SUCLG2: variants seen among roughly 807,000 people sequenced by gnomAD.
SUCLG2 encodes succinate-CoA ligase GDP-forming subunit beta.
SUCLG2 carries 42 observed loss-of-function variants against 47.9 expected under a neutral mutation model. That is an observed-to-expected ratio of 0.88 (90% CI 0.69 to 1.14). The LOEUF (loss-of-function observed/expected upper bound fraction) is 1.14, where lower values mean the gene tolerates loss of function less well. SUCLG2 is among the 50% of genes most tolerant of loss of function. SUCLG2 has a pLI of 0.00. For missense variants in SUCLG2, 571 were observed against 525.9 expected (o/e 1.09, Z -0.84); for synonymous variants, 195 against 197.3 (o/e 0.99, Z 0.10).
chr3:67,654,370 G>T, intron 1 of SUCLG2, 133 bp downstream of exon 1: 1 of 669,296 alleles, frequency 1.5e-6, no homozygotes, highest in Non-Finnish European at 2.1e-6. Flanking sequence ...CCGGCGCCGC[G>T]TCACCTCCCG....
intron 1 of SUCLG2, among the ~76,000 whole-genome samples, chr3:67,615,249 A>C (rs1275245762): frequency 8.1e-6 from 1 of 123,680 alleles, no homozygotes; most frequent in African/African-American, 3.2e-5. Flanking sequence ...AGACAGCTAC[A>C]CAGAAAAAAA....
chr3:67,408,190 G>A (rs959612666), intron 9 of SUCLG2, among the ~76,000 whole-genome samples: 2 of 152,116 alleles, frequency 1.3e-5, no homozygotes, highest in African/African-American at 4.8e-5. Context: ...CTTGGAGTTT[G>A]AAATTATTTT....
chr3:67,555,051 C>T lies in SUCLG2; in HGVS notation c.227-25865G>A, dbSNP rs556823945. Among the ~76,000 whole-genome samples, 6 of 152,052 alleles carry T rather than the reference C, an allele frequency of 3.9e-5. No homozygotes were observed. In the South Asian group the frequency reaches 1.2e-3, roughly 32 times the overall value. ...CCAAAACTGAAGATGTTGGAGAGCA[C>T]GGGGGTTGTGGGCAGAAGAGACAGA... On this transcript the variant is annotated intron_variant, in intron 2 of 10. Transcript: ENST00000307227.
intron 10 of SUCLG2, chr3:67,376,487 A>C (rs9867659): frequency 0.54 from 535,484 of 983,052 alleles, 146,716 homozygotes; most frequent in Middle Eastern, 0.63. Context: ...CTTTTCTGCC[A>C]TTTTAGAGTG....
At chr3:67,570,849 T>C (rs970835719) in intron 2 of SUCLG2, among the ~76,000 whole-genome samples, 1 of 152,198 alleles carries the variant, frequency 6.6e-6, no homozygotes, top group Admixed American at 6.5e-5. Context: ...ATCTTTTCCC[T>C]GTAATGTAAT....
chr3:67,476,012 T>A (rs866030772), intron 9 of SUCLG2, among the ~76,000 whole-genome samples: 14 of 151,642 alleles, frequency 9.2e-5, no homozygotes, highest in East Asian at 5.8e-4. Flanking sequence ...TCTCTCTCTC[T>A]CACAAGCTAA....
At chr3:67,576,990 G>A (rs948721820) in intron 2 of SUCLG2, among the ~76,000 whole-genome samples, 1 of 151,892 alleles carries the variant, frequency 6.6e-6, no homozygotes, top group African/African-American at 2.4e-5. Context: ...CTGATTGATC[G>A]ACCCAGGTAG....
intron 2 of SUCLG2, among the ~76,000 whole-genome samples, chr3:67,558,331 CAAAA>C (rs35100169): frequency 2.6e-5 from 3 of 114,922 alleles, no homozygotes; most frequent in Non-Finnish European, 4.0e-5. Context: ...TCTTTGACAC[CAAAA>C]AAAAAAAAAA....
Position 67,472,399 on chromosome 3 carries a change from C to T in SUCLG2, c.1062+23399G>A, listed in dbSNP as rs58932204. Among the ~76,000 whole-genome samples, 127 of 152,266 alleles carry T rather than the reference C, an allele frequency of 8.3e-4. 1 individual carries two copies. Among genetic ancestry groups the T allele is most frequent in the African/African-American group, 2.9e-3 (119 of 41,564 alleles). On this transcript the variant is annotated intron_variant, in intron 9 of 10. Coordinates refer to ENST00000307227, the MANE Select transcript of SUCLG2 (RefSeq NM_003848.4). ...AGATTAGGAATCTGGTAATCATAGA[C>T]ATATTACATGATATACTGGATTTTA...
At chr3:67,576,884 A>T (rs1335705025) in intron 2 of SUCLG2, among the ~76,000 whole-genome samples, 1 of 152,198 alleles carries the variant, frequency 6.6e-6, no homozygotes, top group Non-Finnish European at 1.5e-5. Flanking sequence ...TGCTTCAAAT[A>T]AACTTCACTT....
intron 2 of SUCLG2, among the ~76,000 whole-genome samples, chr3:67,590,007 A>C (rs1241492943): frequency 6.6e-6 from 1 of 152,096 alleles, no homozygotes; most frequent in African/African-American, 2.4e-5. Context: ...TGCATTTATG[A>C]AATTTTATAT....
intron 1 of SUCLG2, among the ~76,000 whole-genome samples, chr3:67,636,739 GC>G (rs1416975122): frequency 6.6e-6 from 1 of 151,392 alleles, no homozygotes; most frequent in African/African-American, 2.4e-5. Context: ...CTCGTGATCT[GC>G]CCACCTCGGC....
chr3:67,373,789 T>C (rs1333084202), downstream of SUCLG2, among the ~76,000 whole-genome samples: 1 of 152,146 alleles, frequency 6.6e-6, no homozygotes, highest in Non-Finnish European at 1.5e-5. Context: ...CTTCTGAGGA[T>C]GCTAAATTTG....
At position 67,479,704 on chromosome 3, in the gene SUCLG2, G is replaced by T. The variant is rs78521169; in HGVS notation, c.1062+16094C>A. Among the ~76,000 whole-genome samples the T allele has an allele frequency of 4.5e-3, 682 of 152,328 alleles. 11 individuals are homozygous for T. The East Asian group carries it at 0.059, about 13-fold the overall frequency. ...CTCTTGTGAAAAGAAGCAGTTGATG[G>T]TAACTTAACGGGGACAAAAATGAAT... On this transcript the variant is annotated intron_variant, in intron 9 of 10. Coordinates refer to ENST00000307227, the MANE Select transcript of SUCLG2 (RefSeq NM_003848.4).
intron 9 of SUCLG2, among the ~76,000 whole-genome samples, chr3:67,462,847 A>G (rs1038922707): frequency 2.0e-5 from 3 of 152,148 alleles, no homozygotes; most frequent in Non-Finnish European, 2.9e-5. Flanking sequence ...GGGATCTGAG[A>G]TTATCTCCAG....
At chr3:67,442,231 C>T (rs1703784254) in intron 9 of SUCLG2, among the ~76,000 whole-genome samples, 1 of 151,942 alleles carries the variant, frequency 6.6e-6, no homozygotes, top group Non-Finnish European at 1.5e-5. Context: ...GGGATGGTCT[C>T]GATCTCCTGA....
chr3:67,572,721 G>A (rs986503928), intron 2 of SUCLG2, among the ~76,000 whole-genome samples: 1 of 152,078 alleles, frequency 6.6e-6, no homozygotes, highest in Non-Finnish European at 1.5e-5. Context: ...TACTTACTGG[G>A]AGAGAATTAA....
intron 9 of SUCLG2, among the ~76,000 whole-genome samples, chr3:67,436,739 TAA>T (rs1413758858): frequency 6.6e-6 from 1 of 152,210 alleles, no homozygotes; most frequent in East Asian, 1.9e-4. Context: ...AAAAAAATTA[TAA>T]GTGATGTATG....
downstream of SUCLG2, among the ~76,000 whole-genome samples, chr3:67,371,221 A>G (rs536853167): frequency 6.6e-6 from 1 of 152,174 alleles, no homozygotes; most frequent in East Asian, 1.9e-4. Context: ...CAAGAACAAC[A>G]ACAACAAAAA....
Sources: gnomAD v4.1 joint callset for allele counts (sites outside exome capture counted in the v4.1 genomes callset) on GRCh38, gnomAD v4.1.1 for gene constraint, MANE v1.5 for transcripts, NCBI Gene and HGNC (gene_info 2026-07-23, HGNC 2026-07-21) for gene names.